The following FILIP1 variants were observed in gnomAD, a reference collection of about 807,000 sequenced individuals.
The protein encoded by FILIP1 is filamin-A-interacting protein 1.
A neutral mutation model predicts 102.1 loss-of-function variants in FILIP1; 61 were observed. That is an observed-to-expected ratio of 0.60 (90% CI 0.49 to 0.74). FILIP1 has a LOEUF of 0.74. FILIP1 is among the 30% of genes least tolerant of loss of function. The pLI, the probability that FILIP1 is intolerant of heterozygous loss-of-function variation, is 0.00. For missense variants in FILIP1, 1,314 were observed against 1,441.2 expected (o/e 0.91, Z 1.43); for synonymous variants, 491 against 526.9 (o/e 0.93, Z 0.93).
chr6:75,389,822 A>G (rs951890849), intron 2 of FILIP1, among the ~76,000 whole-genome samples: 1 of 151,618 alleles, frequency 6.6e-6, no homozygotes, highest in Non-Finnish European at 1.5e-5. Flanking sequence ...TTCTAATCCT[A>G]TATCTCACCT....
At chr6:75,440,664 T>G (rs940264431) in intron 1 of FILIP1, among the ~76,000 whole-genome samples, 7 of 152,098 alleles carry the variant, frequency 4.6e-5, no homozygotes, top group Admixed American at 1.3e-4. Context: ...TCTTAAGAAA[T>G]GGGTATGACA....
At chr6:75,363,890 G>C (rs988440223) in intron 2 of FILIP1, among the ~76,000 whole-genome samples, 32 of 152,136 alleles carry the variant, frequency 2.1e-4, no homozygotes, top group African/African-American at 7.0e-4. Context: ...CAATGGAATA[G>C]AATTTTCTCC....
intron 4 of FILIP1, among the ~76,000 whole-genome samples, chr6:75,342,429 T>G (rs562925071): frequency 1.9e-4 from 29 of 152,364 alleles, no homozygotes; most frequent in African/African-American, 7.0e-4. Flanking sequence ...AGAAATACAA[T>G]GATCTTCATT....
chr6:75,352,980 G>A (rs1774861547), intron 4 of FILIP1, among the ~76,000 whole-genome samples: 1 of 150,298 alleles, frequency 6.7e-6, no homozygotes, highest in Non-Finnish European at 1.5e-5. Flanking sequence ...TCTCTTTGGA[G>A]AGGAAATCTG....
At chr6:75,411,414 C>T (rs914603199) in intron 2 of FILIP1, among the ~76,000 whole-genome samples, 6 of 152,080 alleles carry the variant, frequency 3.9e-5, no homozygotes, top group African/African-American at 1.4e-4. Flanking sequence ...AGAAGCTCTT[C>T]AGTTTAATTA....
intron 4 of FILIP1, among the ~76,000 whole-genome samples, chr6:75,318,940 AT>A (rs1487313101): frequency 3.9e-5 from 6 of 152,148 alleles, no homozygotes; most frequent in Non-Finnish European, 8.8e-5. Context: ...ACAGCTTTAC[AT>A]TTCAATTTTT....
rs61736188 is a variant in FILIP1 at position 75,314,703 on chromosome 6, T to C, written c.1129A>G (p.Met377Val). The change falls in exon 5 of 6, where the codon ATG (methionine) becomes GTG (valine). Residue 377 changes from methionine to valine, a missense_variant. Around this residue, in one of 3 missense-constraint regions of FILIP1, gnomAD observed 494 missense variants for 511.2 expected, o/e 0.97. Coordinates refer to ENST00000237172, the MANE Select transcript of FILIP1 (RefSeq NM_015687.5). ...TTTCGAAGATTTTCCACTTCTGCCA[T>C]GAGGCTAGAGTTTCCACATTCTCCT... is the stretch of plus-strand genomic sequence containing the variant. ...AKGECGNSSL[M>V]AEVENLRKRV... 1,347 of 1,614,132 alleles carry C rather than the reference T, an allele frequency of 8.3e-4. 12 individuals are homozygous for C. The African/African-American group carries it at 0.016, about 19-fold the overall frequency.
intron 1 of FILIP1, among the ~76,000 whole-genome samples, chr6:75,475,046 C>G (rs1779435349): frequency 6.6e-6 from 1 of 152,134 alleles, no homozygotes; most frequent in Non-Finnish European, 1.5e-5. Context: ...GCTTCCTGCA[C>G]AGCCTGCAGA....
chr6:75,307,814 G>T (rs1395017753), downstream of FILIP1, among the ~76,000 whole-genome samples: 2 of 152,134 alleles, frequency 1.3e-5, no homozygotes, highest in South Asian at 2.1e-4. Flanking sequence ...ATTAAGATAT[G>T]CATGATGTCA....
intron 4 of FILIP1, among the ~76,000 whole-genome samples, chr6:75,331,024 G>A (rs567198727): frequency 3.3e-5 from 5 of 152,226 alleles, no homozygotes; most frequent in Admixed American, 1.3e-4. Context: ...CAAATTATAC[G>A]TCTTGGAGAT....
At chr6:75,457,764 TTC>T (rs1778892577) in intron 1 of FILIP1, among the ~76,000 whole-genome samples, 1 of 152,192 alleles carries the variant, frequency 6.6e-6, no homozygotes, top group South Asian at 2.1e-4. Context: ...TTGAAAAATA[TTC>T]TTTTTTGAAT....
At chr6:75,430,190 C>T (rs1240146868) in intron 1 of FILIP1, among the ~76,000 whole-genome samples, 2 of 152,154 alleles carry the variant, frequency 1.3e-5, no homozygotes, top group African/African-American at 4.8e-5. Flanking sequence ...CCATGTAAGA[C>T]GTGCCTGCTT....
chr6:75,376,394 C>T (rs1775753876), intron 2 of FILIP1, among the ~76,000 whole-genome samples: 1 of 152,230 alleles, frequency 6.6e-6, no homozygotes, highest in Non-Finnish European at 1.5e-5. Flanking sequence ...TTTTCATGGG[C>T]TAATGTATAC....
At chr6:75,390,405 T>A (rs913398669) in intron 2 of FILIP1, among the ~76,000 whole-genome samples, 1 of 152,154 alleles carries the variant, frequency 6.6e-6, no homozygotes, top group Non-Finnish European at 1.5e-5. Context: ...CTGGGTAATT[T>A]ATAAGAAAAG....
intron 1 of FILIP1, among the ~76,000 whole-genome samples, chr6:75,441,439 C>G (rs1488127393): frequency 1.3e-5 from 2 of 152,008 alleles, no homozygotes; most frequent in East Asian, 1.9e-4. Context: ...CTTTCCCCCC[C>G]TTCTATTCCA....
intron 2 of FILIP1, among the ~76,000 whole-genome samples, chr6:75,396,778 C>T (rs547295573): frequency 5.9e-5 from 9 of 152,172 alleles, no homozygotes; most frequent in Non-Finnish European, 8.8e-5. Context: ...TTTAAAGCTT[C>T]CCATGCTCAA....
intron 4 of FILIP1, among the ~76,000 whole-genome samples, chr6:75,332,650 T>C (rs1255903843): frequency 6.6e-6 from 1 of 152,170 alleles, no homozygotes; most frequent in Non-Finnish European, 1.5e-5. Context: ...AAGGATTCCC[T>C]GGGGGAAGCA....
chr6:75,460,197 C>T (rs983313189), intron 1 of FILIP1, among the ~76,000 whole-genome samples: 29 of 152,180 alleles, frequency 1.9e-4, no homozygotes, highest in African/African-American at 6.5e-4. Context: ...CTGCAACCTT[C>T]TTCAGGAAGT....
chr6:75,466,835 A>G (rs1374932979), intron 1 of FILIP1, among the ~76,000 whole-genome samples: 1 of 152,126 alleles, frequency 6.6e-6, no homozygotes, highest in African/African-American at 2.4e-5. Flanking sequence ...TTTCTATTTT[A>G]TTTTATGTTG....
Sources: gnomAD v4.1 joint callset for allele counts (sites outside exome capture counted in the v4.1 genomes callset) on GRCh38, gnomAD v4.1.1 for gene constraint, gnomAD v4.1.1 regional missense constraint, MANE v1.5 for transcripts, NCBI Gene and HGNC (gene_info 2026-07-23, HGNC 2026-07-21) for gene names.